Variants in SEMA3D observed in about 807,000 individuals in gnomAD.
SEMA3D encodes semaphorin 3D.
Under a neutral mutation model 100.1 loss-of-function variants are expected in SEMA3D, and 84 were observed. The observed-to-expected ratio is 0.84, with a 90% confidence interval of 0.70 to 1.01. SEMA3D has a LOEUF of 1.01. Among genes scored for constraint, SEMA3D ranks in the 50% least tolerant of loss-of-function variants. The pLI is 0.00. For synonymous variants in SEMA3D, 312 were observed against 320.7 expected (o/e 0.97, Z 0.29); for missense variants, 875 against 934.1 (o/e 0.94, Z 0.82).
chr7:85,096,251 A>AT (rs1288586903), intron 4 of SEMA3D, among the ~76,000 whole-genome samples: 1 of 151,950 alleles, frequency 6.6e-6, no homozygotes, highest in Non-Finnish European at 1.5e-5. Context: ...TACTAGGAGT[A>AT]TGAGTATTTT....
chr7:85,208,927 T>C, the SEMA3D span, among the ~76,000 whole-genome samples: 1 of 152,080 alleles, frequency 6.6e-6, no homozygotes, highest in Admixed American at 6.6e-5. Context: ...TCAGGACCAC[T>C]GAAGGAAGAT....
At chr7:85,207,124 T>C in the SEMA3D span, among the ~76,000 whole-genome samples, 1 of 152,138 alleles carries the variant, frequency 6.6e-6, no homozygotes, top group Admixed American at 6.6e-5. Context: ...GATTCATTTA[T>C]AAATTAAAAG....
the SEMA3D span, among the ~76,000 whole-genome samples, chr7:85,248,468 C>T: frequency 6.6e-6 from 1 of 152,112 alleles, no homozygotes; most frequent in Non-Finnish European, 1.5e-5. Flanking sequence ...CAGTTGTGGT[C>T]CCTGGTATTT....
the SEMA3D span, among the ~76,000 whole-genome samples, chr7:85,225,097 T>TAC: frequency 3.2e-5 from 1 of 30,814 alleles, no homozygotes; most frequent in African/African-American, 3.5e-4. Context: ...TATATATATA[T>TAC]ATATATATAC....
At chr7:85,066,913 C>CACACACACAGAG in intron 7 of SEMA3D, among the ~76,000 whole-genome samples, 30 of 127,824 alleles carry the variant, frequency 2.3e-4, no homozygotes, top group African/African-American at 9.4e-4. Context: ...CACACACACA[C>CACACACACAGAG]AGAGAGAGAG....
At chr7:85,152,367 T>C (rs1486318903) in intron 2 of SEMA3D, among the ~76,000 whole-genome samples, 1 of 152,132 alleles carries the variant, frequency 6.6e-6, no homozygotes, top group Non-Finnish European at 1.5e-5. Flanking sequence ...AATTAAATTA[T>C]ATGGTAGTCA....
intron 1 of SEMA3D, among the ~76,000 whole-genome samples, chr7:85,157,110 AC>A (rs1296905835): frequency 6.6e-6 from 1 of 151,938 alleles, no homozygotes; most frequent in East Asian, 1.9e-4. Context: ...GGCACAGCCT[AC>A]CTTTTTAGTC....
intron 4 of SEMA3D, among the ~76,000 whole-genome samples, chr7:85,083,680 T>C (rs1430812951): frequency 6.7e-6 from 1 of 149,504 alleles, no homozygotes; most frequent in Admixed American, 6.7e-5. Flanking sequence ...CCGTCTCTAC[T>C]AAAAATACAA....
chr7:85,236,750 G>T, the SEMA3D span, among the ~76,000 whole-genome samples: 1 of 152,024 alleles, frequency 6.6e-6, no homozygotes, highest in Non-Finnish European at 1.5e-5. Flanking sequence ...CAAATATTTG[G>T]TGTTTTAAAT....
intron 2 of SEMA3D, among the ~76,000 whole-genome samples, chr7:85,136,781 A>C (rs1789878477): frequency 6.6e-6 from 1 of 152,106 alleles, no homozygotes; most frequent in Non-Finnish European, 1.5e-5. Flanking sequence ...TGTTTTATAT[A>C]AGTGTCAGAT....
rs115350851 is a variant in SEMA3D at position 85,176,060 on chromosome 7, T to C, written c.-173+10618A>G. Among the ~76,000 whole-genome samples the C allele has an allele frequency of 5.3e-3, 798 of 151,280 alleles. 10 individuals are homozygous for C. Among genetic ancestry groups the C allele is most frequent in the African/African-American group, 0.018 (756 of 41,432 alleles). ...ACAAGCCATCATGAAGATATATTGATAGAAGTTTAAAAAAAAGAGGTAGAC... is the reference window on the plus strand; with the variant it reads ...ACAAGCCATCATGAAGATATATTGACAGAAGTTTAAAAAAAAGAGGTAGAC... On this transcript the variant is annotated intron_variant, in intron 1 of 18. Coordinates refer to ENST00000284136, the MANE Select transcript of SEMA3D (RefSeq NM_001384900.1).
rs1491113318 is a variant in SEMA3D at position 85,091,087 on chromosome 7, A to AG, written c.312+6717_312+6718insC. Reference sequence around the variant, plus strand: ...GAAGGAGAGAAAGAGAAAGAGAGAGAAAGAGAGAGGGAGAGAGGGAGGGAG... The same window carrying AG: ...GAAGGAGAGAAAGAGAAAGAGAGAGAGAAGAGAGAGGGAGAGAGGGAGGGAG... On this transcript the variant is annotated intron_variant, in intron 4 of 18. Coordinates refer to ENST00000284136, the MANE Select transcript of SEMA3D (RefSeq NM_001384900.1). Among the ~76,000 whole-genome samples the AG allele has an allele frequency of 2.0e-4, 29 of 142,084 alleles. No individual in the cohort carries two copies. The South Asian group carries it at 2.8e-3, about 14-fold the overall frequency. 93.2% of individuals were successfully genotyped at this position (142,084 alleles called of 152,430 possible).
intron 2 of SEMA3D, chr7:85,141,276 A>C (rs1280712055): frequency 1.0e-6 from 1 of 984,466 alleles, no homozygotes; most frequent in Admixed American, 6.2e-5. Context: ...TTCCTTTTAA[A>C]ATGCTTTAAC....
intron 1 of SEMA3D, among the ~76,000 whole-genome samples, chr7:85,162,604 A>G (rs1790776125): frequency 1.3e-5 from 2 of 152,128 alleles, no homozygotes; most frequent in Non-Finnish European, 1.5e-5. Flanking sequence ...CAGCATTTAG[A>G]ACAAAAGGAC....
intron 2 of SEMA3D, among the ~76,000 whole-genome samples, chr7:85,129,846 C>A (rs2116429599): frequency 6.6e-6 from 1 of 152,104 alleles, no homozygotes; most frequent in African/African-American, 2.4e-5. Flanking sequence ...AACATTTAAT[C>A]TAAAAAAACT....
chr7:85,058,148 T>C (rs1791374510), intron 8 of SEMA3D, among the ~76,000 whole-genome samples: 1 of 152,212 alleles, frequency 6.6e-6, no homozygotes, highest in African/African-American at 2.4e-5. Flanking sequence ...TTGTTTGTTT[T>C]GTCGGTAATT....
chr7:85,153,303 C>T (rs768159288), intron 2 of SEMA3D, among the ~76,000 whole-genome samples: 15 of 152,134 alleles, frequency 9.9e-5, no homozygotes, highest in Non-Finnish European at 2.1e-4. Flanking sequence ...TTACTTTACG[C>T]TATTTTTGTT....
intron 7 of SEMA3D, among the ~76,000 whole-genome samples, chr7:85,065,879 T>C (rs977630410): frequency 2.0e-5 from 3 of 152,186 alleles, no homozygotes; most frequent in African/African-American, 7.2e-5. Flanking sequence ...ATAAATGTCA[T>C]AATTAAGAGT....
At chr7:85,029,186 A>T (rs1172158493) in intron 12 of SEMA3D, 1 of 678,428 alleles carries the variant, frequency 1.5e-6, no homozygotes, top group Non-Finnish European at 2.8e-6. Context: ...TCACAGGCGT[A>T]CCTCCTGCAC....
Sources: gnomAD v4.1 joint callset for allele counts (sites outside exome capture counted in the v4.1 genomes callset) on GRCh38, gnomAD v4.1.1 for gene constraint, MANE v1.5 for transcripts, NCBI Gene and HGNC (gene_info 2026-07-23, HGNC 2026-07-21) for gene names.